ZDHHC18: variants seen among roughly 807,000 people sequenced by gnomAD.
The protein encoded by ZDHHC18 is zDHHC palmitoyltransferase 18.
A neutral mutation model predicts 37.5 loss-of-function variants in ZDHHC18; 23 were observed. The ratio of observed to expected loss-of-function variants is 0.61; its 90% CI spans 0.44 to 0.87. The LOEUF is 0.87. Among genes scored for constraint, ZDHHC18 ranks in the 40% least tolerant of loss-of-function variants. The probability of loss-of-function intolerance (pLI) is 0.00; values close to 1 mark genes in which losing one functional copy is unlikely to be tolerated. For missense variants in ZDHHC18, 406 were observed against 525.6 expected, an observed-to-expected ratio of 0.77 and a Z score of 2.22; for synonymous variants, 185 against 218.7, an observed-to-expected ratio of 0.85 and a Z score of 1.36.
chr1:26,842,125 C>G (rs1280488999), intron 2 of ZDHHC18, among the ~76,000 whole-genome samples: 2 of 145,628 alleles, frequency 1.4e-5, no homozygotes, highest in African/African-American at 5.2e-5. Flanking sequence ...CAGAGCGAGA[C>G]TCCATCTCAA....
intron 2 of ZDHHC18, among the ~76,000 whole-genome samples, chr1:26,847,363 C>G (rs530616627): frequency 2.0e-5 from 3 of 151,970 alleles, no homozygotes; most frequent in African/African-American, 7.3e-5. Flanking sequence ...AGTCACACGC[C>G]GTCATACCCG....
chr1:26,851,074 G>T, intron 5 of ZDHHC18, 55 bp from the exon 6 acceptor site: 1 of 1,511,690 alleles, frequency 6.6e-7, no homozygotes, highest in Non-Finnish European at 9.2e-7. Flanking sequence ...GACAGGCCAG[G>T]TGTGGCTGGG....
At chr1:26,827,898 C>A (rs1263164920) in intron 1 of ZDHHC18, among the ~76,000 whole-genome samples, 1 of 152,182 alleles carries the variant, frequency 6.6e-6, no homozygotes, top group East Asian at 1.9e-4. Flanking sequence ...CCCCTGGCCC[C>A]CCTGCTGACC....
chr1:26,849,616 A>C (rs1387209389), intron 3 of ZDHHC18, among the ~76,000 whole-genome samples: 1 of 152,236 alleles, frequency 6.6e-6, no homozygotes, highest in Non-Finnish European at 1.5e-5. Context: ...CATTCCCACA[A>C]GGACTTTCTT....
chr1:26,845,630 G>C (rs2081660473), intron 2 of ZDHHC18, among the ~76,000 whole-genome samples: 1 of 151,572 alleles, frequency 6.6e-6, no homozygotes, highest in Non-Finnish European at 1.5e-5. Flanking sequence ...ACCGCGCCCG[G>C]CCTCATTCTT....
At chr1:26,831,379 A>G (rs1334316158) in intron 1 of ZDHHC18, among the ~76,000 whole-genome samples, 1 of 152,240 alleles carries the variant, frequency 6.6e-6, no homozygotes, top group East Asian at 1.9e-4. Context: ...GGCCCAGATC[A>G]TGCCTGGCCT....
rs2081700460 is a variant in ZDHHC18, at chr1:26,850,898, T to C, written c.834-231T>C. Reference sequence around the variant, plus strand: ...GGCTCTTTGTGATTGGAACCCTCAGTTTTCTCTGCCGTCCATCACCCTGAC... The same window carrying C: ...GGCTCTTTGTGATTGGAACCCTCAGCTTTCTCTGCCGTCCATCACCCTGAC... On this transcript the variant is annotated intron_variant, in intron 5 of 7. Coordinates refer to ENST00000374142, the MANE Select transcript of ZDHHC18 (RefSeq NM_032283.3). The surrounding 1 kb of genome is among the most constrained non-coding windows in gnomAD (Gnocchi z 6.1). Among the ~76,000 whole-genome samples the C allele has an allele frequency of 6.6e-6, 1 of 152,086 alleles. No homozygotes were observed. Among genetic ancestry groups the C allele is most frequent in the Admixed American group, 6.6e-5 (1 of 15,262 alleles).
rs766059868 is a variant in ZDHHC18, at chr1:26,827,105, A to C, written c.301A>C (p.Ile101Leu). The C allele has an allele frequency of 3.5e-6, 5 of 1,418,014 alleles. No individual in the cohort carries two copies. In the South Asian group the frequency reaches 7.2e-5, roughly 20 times the overall value. The allele number at this position is 1,418,014 out of a possible 1,614,324, so 87.8% of individuals were successfully genotyped here. Reference sequence around the variant, plus strand: ...CGTCTTCGCGCTCACGCTGCTGCTCATCCTCACCACCACCGGCCTCTTCTT... The same window carrying C: ...CGTCTTCGCGCTCACGCTGCTGCTCCTCCTCACCACCACCGGCCTCTTCTT... ...GGVFALTLLL[I>L]LTTTGLFFVF... Residue 101 changes from isoleucine to leucine, a missense_variant, in exon 1 of 8, where the codon ATC becomes CTC. Physicochemically the swap from Ile to Leu is conservative, Grantham distance 5 (BLOSUM62 2). Transcript: ENST00000374142.
intron 2 of ZDHHC18, among the ~76,000 whole-genome samples, chr1:26,837,259 A>AAAAT (rs556411658): frequency 4.9e-4 from 71 of 143,732 alleles, no homozygotes; most frequent in Middle Eastern, 3.7e-3. Context: ...TCTCAAAAAA[A>AAAAT]ATATATATAT....
chr1:26,852,624 A>C, intron 6 of ZDHHC18, 129 bp from the exon 7 acceptor site: 1 of 719,468 alleles, frequency 1.4e-6, no homozygotes, highest in Non-Finnish European at 2.3e-6. Context: ...GGCCCACATG[A>C]AAGACATGTC....
intron 7 of ZDHHC18, 116 bp downstream of exon 7, chr1:26,852,981 C>T: frequency 1.3e-6 from 1 of 774,362 alleles, no homozygotes. Flanking sequence ...GTCCACTACC[C>T]CCTGGAGGGC....
At chr1:26,829,671 A>G (rs1339381762) in intron 1 of ZDHHC18, among the ~76,000 whole-genome samples, 1 of 152,214 alleles carries the variant, frequency 6.6e-6, no homozygotes, top group South Asian at 2.1e-4. Context: ...TTGCACCCTT[A>G]GTGCCTAGAA....
chr1:26,836,251 A>G lies in ZDHHC18; in HGVS notation c.496+3644A>G, dbSNP rs148366216. Among the ~76,000 whole-genome samples the G allele has an allele frequency of 5.3e-3, 800 of 152,262 alleles. 7 individuals carry two copies. Among genetic ancestry groups the G allele is most frequent in the African/African-American group, 0.018 (761 of 41,566 alleles). On this transcript the variant is annotated intron_variant, in intron 2 of 7. Transcript: ENST00000374142. The stretch of plus-strand genomic sequence containing the variant: ...AGAGGCTGCGTCTCTCTCCACTGCC[A>G]TACACCAGCTCCCAGACCCCATCTC...
chr1:26,840,588 T>G (rs1039094488), intron 2 of ZDHHC18, among the ~76,000 whole-genome samples: 4 of 150,930 alleles, frequency 2.7e-5, no homozygotes, highest in Non-Finnish European at 5.9e-5. Flanking sequence ...ATTACAGGCA[T>G]GCGCCACCAT....
chr1:26,840,309 G>C (rs2081631477), intron 2 of ZDHHC18, among the ~76,000 whole-genome samples: 1 of 152,174 alleles, frequency 6.6e-6, no homozygotes, highest in Non-Finnish European at 1.5e-5. Context: ...GCAATGTTTT[G>C]TGGAAACAAA....
intron 2 of ZDHHC18, among the ~76,000 whole-genome samples, chr1:26,838,075 C>G (rs2081621758): frequency 6.6e-6 from 1 of 151,122 alleles, no homozygotes; most frequent in African/African-American, 2.4e-5. Context: ...CGGCTCACCA[C>G]AACCTCTGCC....
At chr1:26,836,245 A>G (rs1336282728) in intron 2 of ZDHHC18, among the ~76,000 whole-genome samples, 2 of 152,172 alleles carry the variant, frequency 1.3e-5, no homozygotes, top group African/African-American at 4.8e-5. Context: ...GTCTCTCTCC[A>G]CTGCCATACA....
At chr1:26,843,571 T>G (rs1304967682) in intron 2 of ZDHHC18, among the ~76,000 whole-genome samples, 2 of 150,714 alleles carry the variant, frequency 1.3e-5, no homozygotes, top group African/African-American at 4.9e-5. Context: ...GGTGGATGAC[T>G]TCAGATCAGG....
chr1:26,852,783 G>T lies in ZDHHC18; in HGVS notation c.967G>T (p.Gly323Cys), dbSNP rs148778066. 1.1e-5 allele frequency: 17 copies of T among 1,613,946 alleles called. No homozygotes were observed. In the African/African-American group the frequency reaches 2.1e-4, roughly 20 times the overall value. The part of the protein sequence containing the change: ...IKGSWSSKRG[G>C]EASVNPYSHK... ...AGGCTCGTGGTCCAGCAAGAGGGGC[G>T]GTGAGGCCTCTGTCAACCCCTACAG... Residue 323 changes from glycine (G) to cysteine (C), a missense_variant, in exon 7 of 8, where the codon GGT (glycine) becomes TGT (cysteine). Coordinates refer to ENST00000374142, the MANE Select transcript of ZDHHC18 (RefSeq NM_032283.3).
Sources: gnomAD v4.1 joint callset for allele counts (sites outside exome capture counted in the v4.1 genomes callset) on GRCh38, gnomAD v4.1.1 for gene constraint, Gnocchi (gnomAD v3.1) non-coding constraint, MANE v1.5 for transcripts, NCBI Gene and HGNC (gene_info 2026-07-23, HGNC 2026-07-21) for gene names.